Variants in MECOM observed in about 807,000 individuals in gnomAD.
The protein encoded by MECOM is histone-lysine N-methyltransferase MECOM.
MECOM carries 13 observed loss-of-function variants against 116.3 expected under a neutral mutation model. The ratio of observed to expected loss-of-function variants is 0.11; its 90% confidence interval spans 0.07 to 0.18. The LOEUF (loss-of-function observed/expected upper bound fraction) is 0.18. MECOM is among the 10% of genes least tolerant of loss of function. The pLI is 1.00. For synonymous variants in MECOM, 528 were observed against 535.2 expected, an observed-to-expected ratio of 0.99 and a Z score of 0.19; for missense variants, 1,299 against 1,509.0, an observed-to-expected ratio of 0.86 and a Z score of 2.31.
At chr3:169,156,815 C>T (rs1423975523) in intron 2 of MECOM, among the ~76,000 whole-genome samples, 1 of 152,070 alleles carries the variant, frequency 6.6e-6, no homozygotes, top group Non-Finnish European at 1.5e-5. Context: ...ATATGCATTT[C>T]CCTAGGAGAA....
chr3:169,177,362 A>G (rs1272693882), intron 2 of MECOM, among the ~76,000 whole-genome samples: 1 of 152,100 alleles, frequency 6.6e-6, no homozygotes, highest in Non-Finnish European at 1.5e-5. Context: ...AAACTAACAC[A>G]CAGGAACAGA....
chr3:169,341,530 A>G (rs553851808), intron 2 of MECOM, among the ~76,000 whole-genome samples: 14 of 151,742 alleles, frequency 9.2e-5, no homozygotes, highest in Non-Finnish European at 1.8e-4. Context: ...TCATGAGGTC[A>G]AGAAATCGAG....
At chr3:169,418,443 C>CA (rs1739103363) in intron 1 of MECOM, among the ~76,000 whole-genome samples, 1 of 151,964 alleles carries the variant, frequency 6.6e-6, no homozygotes. Context: ...AGAGACACAA[C>CA]AAAAAAACAA....
intron 3 of MECOM, chr3:169,133,494 T>C (rs903775891): frequency 2.0e-5 from 3 of 152,590 alleles, no homozygotes; most frequent in African/African-American, 7.2e-5. Flanking sequence ...TAAAATAATT[T>C]TTTTTCATTC....
intron 5 of MECOM, 110 bp from the exon 6 acceptor site, chr3:169,122,837 G>T: frequency 8.1e-7 from 1 of 1,240,740 alleles, no homozygotes. Flanking sequence ...AAAAGGAGTT[G>T]AACTGAGAAG....
intron 1 of MECOM, among the ~76,000 whole-genome samples, chr3:169,473,365 AC>A (rs1350655462): frequency 6.6e-6 from 1 of 152,214 alleles, no homozygotes; most frequent in African/African-American, 2.4e-5. Context: ...AAGAGAGACC[AC>A]TATCCCTAAA....
At chr3:169,416,925 T>A (rs1191188719) in intron 1 of MECOM, among the ~76,000 whole-genome samples, 1 of 152,188 alleles carries the variant, frequency 6.6e-6, no homozygotes, top group Non-Finnish European at 1.5e-5. Context: ...TGAAACTGGA[T>A]GCCTTCCTTA....
At chr3:169,401,031 G>A (rs991960484) in intron 1 of MECOM, among the ~76,000 whole-genome samples, 1 of 152,148 alleles carries the variant, frequency 6.6e-6, no homozygotes, top group Admixed American at 6.5e-5. Flanking sequence ...CACTAATCAA[G>A]CGACTGCCTG....
chr3:169,376,286 T>A (rs1731021080), intron 2 of MECOM, among the ~76,000 whole-genome samples: 1 of 152,178 alleles, frequency 6.6e-6, no homozygotes, highest in Admixed American at 6.6e-5. Flanking sequence ...GGATGCCCTC[T>A]CTCACCACTC....
intron 1 of MECOM, among the ~76,000 whole-genome samples, chr3:169,517,252 G>A (rs1756752552): frequency 6.6e-6 from 1 of 152,138 alleles, no homozygotes; most frequent in East Asian, 1.9e-4. Context: ...TTTTTGGCAT[G>A]GGGAGGGAAT....
chr3:169,334,510 A>G (rs1440337381), intron 2 of MECOM, among the ~76,000 whole-genome samples: 1 of 152,088 alleles, frequency 6.6e-6, no homozygotes, highest in Non-Finnish European at 1.5e-5. Flanking sequence ...AAGTTTTAAA[A>G]CTCCTCAGGT....
chr3:169,381,108 T>C, intron 2 of MECOM, 79 bp downstream of exon 2: 1 of 1,277,940 alleles, frequency 7.8e-7, no homozygotes. Flanking sequence ...TATAATTTGC[T>C]TATTTTGTGG....
Position 169,083,909 on chromosome 3 carries a change from C to T in MECOM, c.*1000G>A, listed in dbSNP as rs536069560. 4.0e-4 allele frequency: 89 copies of T among 222,526 alleles called. No homozygotes were observed. The highest frequency in any genetic ancestry group is 1.8e-3 in the African/African-American group (82 of 44,872). The allele number at this position is 222,526 out of a possible 1,614,324, so 13.8% of individuals were successfully genotyped here. On this transcript the variant is annotated 3_prime_UTR_variant, in exon 17 of 17. Transcript: ENST00000651503. ...TTACAAAAACTAAGTTGCATCTATT[C>T]GTATTTAGTTCATTAAGAAGGAAAA...
At chr3:169,601,830 AC>A (rs1767868603) in intron 1 of MECOM, among the ~76,000 whole-genome samples, 2 of 152,228 alleles carry the variant, frequency 1.3e-5, no homozygotes, top group South Asian at 2.1e-4. Context: ...ATAATATTCT[AC>A]ATGTAGGTTA....
chr3:169,538,721 T>G (rs1479981861), intron 1 of MECOM, among the ~76,000 whole-genome samples: 1 of 152,182 alleles, frequency 6.6e-6, no homozygotes, highest in Non-Finnish European at 1.5e-5. Context: ...AGGATTCTCT[T>G]GTAATGTTGA....
chr3:169,088,886 C>T (rs1466791909), intron 16 of MECOM, 114 bp downstream of exon 16: 1 of 943,254 alleles, frequency 1.1e-6, no homozygotes, highest in Non-Finnish European at 1.5e-6. Context: ...GCATCTGACC[C>T]CATTTGGATT....
chr3:169,181,525 T>C (rs1291770443), intron 2 of MECOM, among the ~76,000 whole-genome samples: 2 of 152,124 alleles, frequency 1.3e-5, no homozygotes, highest in East Asian at 1.9e-4. Context: ...ACTAGGTTAG[T>C]GAGATTTGTT....
At chr3:169,146,657 G>C in intron 2 of MECOM, 30 of 1,351,300 alleles carry the variant, frequency 2.2e-5, no homozygotes, top group Non-Finnish European at 2.9e-5. Flanking sequence ...GCAGGAAACT[G>C]TCCGAAGTGA....
At chr3:169,497,511 A>C (rs111829395) in intron 1 of MECOM, among the ~76,000 whole-genome samples, 1,584 of 151,978 alleles carry the variant, frequency 0.01, 27 homozygotes, top group African/African-American at 0.037. Flanking sequence ...AGGCCCGGCT[A>C]ATTTTTTTTC....
Sources: gnomAD v4.1 joint callset for allele counts (sites outside exome capture counted in the v4.1 genomes callset) on GRCh38, gnomAD v4.1.1 for gene constraint, MANE v1.5 for transcripts, NCBI Gene and HGNC (gene_info 2026-07-23, HGNC 2026-07-21) for gene names.